The following DNMT3A variants were observed in gnomAD, a reference collection of about 807,000 sequenced individuals.
The protein encoded by DNMT3A is DNA methyltransferase 3 alpha, also known as DNA (cytosine-5)-methyltransferase 3A.
A neutral mutation model predicts 117.6 loss-of-function variants in DNMT3A; 267 were observed. That is an observed-to-expected ratio of 2.27 (90% CI 2.05 to 2.51). The LOEUF is 2.51. Among genes scored for constraint, DNMT3A ranks in the 30% most tolerant of loss-of-function variants. The pLI, the probability that DNMT3A is intolerant of heterozygous loss-of-function variation, is 0.00. For missense variants in DNMT3A, 1,029 were observed against 1,260.2 expected, an observed-to-expected ratio of 0.82 and a Z score of 2.78; for synonymous variants, 432 against 474.8, an observed-to-expected ratio of 0.91 and a Z score of 1.17.
chr2:25,291,735 G>T (rs888124884), intron 3 of DNMT3A, among the ~76,000 whole-genome samples: 10 of 152,244 alleles, frequency 6.6e-5, no homozygotes, highest in African/African-American at 2.4e-4. Context: ...TCTGAGGAGA[G>T]AACTCTGGGC....
intron 6 of DNMT3A, among the ~76,000 whole-genome samples, chr2:25,263,614 C>G (rs1288446997): frequency 6.6e-6 from 1 of 152,180 alleles, no homozygotes; most frequent in Non-Finnish European, 1.5e-5. Flanking sequence ...CATATGTGAA[C>G]ATCCCACGGC....
At chr2:25,246,861 G>A in intron 9 of DNMT3A, 85 bp from the exon 10 acceptor site, 3 of 1,570,834 alleles carry the variant, frequency 1.9e-6, no homozygotes, top group Middle Eastern at 3.5e-4. Flanking sequence ...TCTGAGTAGT[G>A]AGGGTGGCAC....
In DNMT3A at chr2:25,340,327, G is replaced by A. The variant is rs575198023; in HGVS notation, c.-178+1499C>T. ...CCGTGCAGCGGAGAGAGGGTGCCAG[G>A]ACGGAGGGGATGAGGAGAGGGGGAG... On this transcript the variant is annotated intron_variant, in intron 1 of 22. Coordinates refer to ENST00000321117, the MANE Select transcript of DNMT3A (RefSeq NM_022552.5). Among the ~76,000 whole-genome samples the A allele has an allele frequency of 3.3e-4, 51 of 152,316 alleles. 1 individual carries two copies. The highest frequency in any genetic ancestry group is 3.1e-3 in the Admixed American group (48 of 15,312).
intron 17 of DNMT3A, 146 bp from the exon 18 acceptor site, chr2:25,240,876 G>C: frequency 2.8e-6 from 2 of 722,248 alleles, no homozygotes; most frequent in South Asian, 3.6e-5. Flanking sequence ...CACGACCCTA[G>C]CTGCAACCAT....
chr2:25,319,340 G>A (rs2034507154), intron 1 of DNMT3A, among the ~76,000 whole-genome samples: 1 of 151,620 alleles, frequency 6.6e-6, no homozygotes, highest in African/African-American at 2.4e-5. Context: ...AATAGAGATG[G>A]GGTCTCACTA....
intron 2 of DNMT3A, among the ~76,000 whole-genome samples, chr2:25,300,700 TCTAA>T (rs2033405789): frequency 5.3e-5 from 4 of 76,042 alleles, no homozygotes; most frequent in South Asian, 3.4e-4. Flanking sequence ...TATTTATATA[TCTAA>T]ATAATATAAT....
chr2:25,319,921 C>T (rs973162501), intron 1 of DNMT3A, among the ~76,000 whole-genome samples: 3 of 152,176 alleles, frequency 2.0e-5, no homozygotes, highest in South Asian at 4.1e-4. Flanking sequence ...AGGCACCCGC[C>T]GCCATGCCCG....
At chr2:25,276,721 C>T (rs147745177) in intron 4 of DNMT3A, among the ~76,000 whole-genome samples, 246 of 152,382 alleles carry the variant, frequency 1.6e-3, no homozygotes, top group Middle Eastern at 3.4e-3. Flanking sequence ...CCACCTGGGC[C>T]CCTGAGCTTC....
chr2:25,246,092 A>C (rs1674717894), intron 11 of DNMT3A, 28 bp from the exon 12 acceptor site: 1 of 1,613,934 alleles, frequency 6.2e-7, no homozygotes, highest in Admixed American at 1.7e-5. Flanking sequence ...CTGGCGTCAG[A>C]GGAGGCCGCG....
At chr2:25,283,663 G>A (rs1267002103) in intron 3 of DNMT3A, among the ~76,000 whole-genome samples, 4 of 152,220 alleles carry the variant, frequency 2.6e-5, no homozygotes, top group African/African-American at 7.2e-5. Context: ...ACAGTTTTCA[G>A]GCTCTGCAAC....
In DNMT3A at chr2:25,234,340, C is replaced by T. The variant is rs750515748; in HGVS notation, c.2678G>A (p.Trp893Ter). 1.9e-6 allele frequency: 3 copies of T among 1,614,034 alleles called. No individual in the cohort carries two copies. The highest frequency in any genetic ancestry group is 1.7e-6 in the Non-Finnish European group (2 of 1,180,020). Residue 893 changes from tryptophan to a stop codon, truncating the protein, a stop_gained, in exon 23 of 23, where the codon TGG becomes TAG. Coordinates refer to ENST00000321117, the MANE Select transcript of DNMT3A (RefSeq NM_022552.5). LOFTEE classifies it high-confidence loss of function. The surrounding 1 kb of genome is among the most constrained non-coding windows in gnomAD (Gnocchi z 4.5). ...LARQRLLGRS[W>*]SVPVIRHLFA... ...GAGGTGGCGGATGACTGGCACGCTC[C>T]ATGACCGGCCCAGCAGTCTCTGCCT... is the stretch of plus-strand genomic sequence containing the variant.
At chr2:25,276,354 A>G (rs2031406648) in intron 4 of DNMT3A, among the ~76,000 whole-genome samples, 1 of 151,876 alleles carries the variant, frequency 6.6e-6, no homozygotes, top group Non-Finnish European at 1.5e-5. Flanking sequence ...TTCTAAAATC[A>G]TTAGGTTATG....
intron 3 of DNMT3A, among the ~76,000 whole-genome samples, chr2:25,283,602 G>A (rs569581368): frequency 5.3e-5 from 8 of 152,226 alleles, no homozygotes; most frequent in Admixed American, 1.3e-4. Flanking sequence ...GGCCTGGGCC[G>A]CCCCAGATTC....
In DNMT3A at chr2:25,239,208, G is replaced by A. The variant is rs752626029; in HGVS notation, c.2330C>T (p.Pro777Leu). The A allele has an allele frequency of 3.1e-6, 5 of 1,613,688 alleles. No homozygotes were observed. The highest frequency in any genetic ancestry group is 1.1e-5 in the South Asian group (1 of 91,054). Residue 777 changes from proline to leucine, a missense_variant, in exon 20 of 23, where the codon CCT becomes CTT. By Grantham distance (98) the Pro-to-Leu change is moderately conservative. Transcript: ENST00000321117. ...CACTTCTTTGGCATCAATCATCACA[G>A]GGTTGGACTACAAAACAGGAGACGG... Reference protein sequence around the residue: ...RDISRFLESNPVMIDAKEVSA... With the variant: ...RDISRFLESNLVMIDAKEVSA...
At chr2:25,303,922 G>C (rs1399191495) in intron 2 of DNMT3A, among the ~76,000 whole-genome samples, 1 of 152,250 alleles carries the variant, frequency 6.6e-6, no homozygotes, top group Non-Finnish European at 1.5e-5. Flanking sequence ...CACGGGGTCT[G>C]TTTTATTCCA....
chr2:25,335,411 G>A (rs2035173662), intron 1 of DNMT3A, among the ~76,000 whole-genome samples: 1 of 152,214 alleles, frequency 6.6e-6, no homozygotes, highest in African/African-American at 2.4e-5. Context: ...CCTCCAGGGA[G>A]TGGCGGGGGA....
intron 1 of DNMT3A, among the ~76,000 whole-genome samples, chr2:25,324,362 A>C (rs2034709439): frequency 6.6e-6 from 1 of 152,242 alleles, no homozygotes; most frequent in African/African-American, 2.4e-5. Flanking sequence ...ACAGCTAGAA[A>C]GCCCCAGGGC....
At chr2:25,292,167 T>C (rs2032806614) in intron 3 of DNMT3A, among the ~76,000 whole-genome samples, 1 of 151,946 alleles carries the variant, frequency 6.6e-6, no homozygotes, top group Admixed American at 6.6e-5. Flanking sequence ...TACTTTCATT[T>C]TCAATAAATC....
At position 25,244,562 on chromosome 2, in the gene DNMT3A, A is replaced by AC. The variant is rs1397787959; in HGVS notation, c.1644dup (p.Cys549ValfsTer29). 1 of 1,614,072 alleles carries AC rather than the reference A, an allele frequency of 6.2e-7. No homozygotes were observed. Among genetic ancestry groups the AC allele is most frequent in the Non-Finnish European group, 8.5e-7 (1 of 1,180,024 alleles). ...CACCTGCAGCAGTTGTTGTTTCCGC[A>AC]CATGAGCACCTCACGGCCCCCACAG... On this transcript the variant is annotated frameshift_variant, in exon 14 of 23. Transcript: ENST00000321117. LOFTEE classifies it high-confidence loss of function.
Sources: allele counts gnomAD v4.1 joint callset (sites outside exome capture counted in the v4.1 genomes callset), GRCh38; gene constraint gnomAD v4.1.1; non-coding constraint Gnocchi (gnomAD v3.1); transcripts MANE v1.5; gene names NCBI Gene and HGNC (gene_info 2026-07-23, HGNC 2026-07-21).